CARD10: variants seen among roughly 807,000 people sequenced by gnomAD.
CARD10 encodes caspase recruitment domain-containing protein 10.
Under a neutral mutation model 114.6 loss-of-function variants are expected in CARD10, and 49 were observed. The ratio of observed to expected loss-of-function variants is 0.43; its 90% CI spans 0.34 to 0.54. The LOEUF is 0.54. Ranked by LOEUF, CARD10 falls within the 20% of genes least tolerant of loss-of-function variation. The pLI is 0.03. For synonymous variants in CARD10, 602 were observed against 593.2 expected (o/e 1.01, Z -0.21); for missense variants, 1,206 against 1,397.2 (o/e 0.86, Z 2.18).
At chr22:37,504,362 C>T (rs1161169359) in intron 8 of CARD10, 61 bp from the exon 9 acceptor site, 1 of 1,251,878 alleles carries the variant, frequency 8.0e-7, no homozygotes, top group Non-Finnish European at 1.1e-6. Context: ...CAGTCCTCAG[C>T]ACACCTGGTT....
At chr22:37,493,611 G>A (rs191255646) in intron 16 of CARD10, among the ~76,000 whole-genome samples, 235 of 152,084 alleles carry the variant, frequency 1.5e-3, no homozygotes, top group Non-Finnish European at 2.6e-3. Flanking sequence ...GAAGGCCCCC[G>A]CGGAAACTCC....
In CARD10 at chr22:37,494,148, G is replaced by T; in HGVS notation, c.2414C>A (p.Pro805His). 6.4e-7 allele frequency: 1 copy of T among 1,558,070 alleles called. No individual in the cohort carries two copies. The highest frequency in any genetic ancestry group is 1.2e-5 in the South Asian group (1 of 84,522). The change falls in exon 16 of 20, where the codon CCC becomes CAC. Residue 805 changes from proline (P) to histidine (H), a missense_variant. Pro to His is a moderately conservative substitution (Grantham distance 77). Transcript: ENST00000251973. ...CCCTGCAGGCGCCCCCACGGGCTTG[G>T]GCCTCACCAGCCGCAGCTGGTCCAG... ...RALDQLRLVRPKPVGAPAGDS... is the reference protein window; with the variant it reads ...RALDQLRLVRHKPVGAPAGDS...
At chr22:37,510,659 A>G in intron 3 of CARD10, 1 of 515,210 alleles carries the variant, frequency 1.9e-6, no homozygotes, top group Admixed American at 3.4e-5. Flanking sequence ...AGGGGAATCC[A>G]CTCTAAGAAC....
Position 37,490,910 on chromosome 22 carries a change from G to T in CARD10, c.*249C>A. On this transcript the variant is annotated 3_prime_UTR_variant, in exon 20 of 20. Transcript: ENST00000251973. ...CAGACACACATAAGACCCACTAGTG[G>T]GAATGTGGAGACCCCAGGAAAGGTG... The T allele has an allele frequency of 1.8e-6, 1 of 558,868 alleles. No individual in the cohort carries two copies. The highest frequency in any genetic ancestry group is 3.2e-6 in the Non-Finnish European group (1 of 312,946). The allele number at this position is 558,868 out of a possible 1,614,324, so 34.6% of individuals were successfully genotyped here. A position where few individuals can be genotyped will look rare whatever the true frequency, so the allele number is the denominator to read the frequency against.
At chr22:37,494,847 G>A (rs997785112) in intron 15 of CARD10, among the ~76,000 whole-genome samples, 2 of 152,200 alleles carry the variant, frequency 1.3e-5, no homozygotes, top group Admixed American at 6.5e-5. Context: ...TGGGGCCCTC[G>A]CTCTTCCTTT....
chr22:37,512,440 A>C, intron 3 of CARD10, among the ~76,000 whole-genome samples: 1 of 137,540 alleles, frequency 7.3e-6, no homozygotes, highest in Non-Finnish European at 1.5e-5. Flanking sequence ...CCCAGCCTTG[A>C]GAGGTTAGAA....
rs376717525 is a variant in CARD10, at chr22:37,494,171, C to T, written c.2391G>A (p.Leu797=). Residue 797 remains leucine, a synonymous_variant, in exon 16 of 20, where the codon CTG becomes CTA. Coordinates refer to ENST00000251973, the MANE Select transcript of CARD10 (RefSeq NM_014550.4). ...TGGGCCTCACCAGCCGCAGCTGGTC[C>T]AGGGCTCTCTTCTTCAGCTGGGAGG... ...GPRSNLKKRA[L]DQLRLVRPKP... 3.8e-5 allele frequency: 59 copies of T among 1,554,888 alleles called. No homozygotes were observed. Among genetic ancestry groups the T allele is most frequent in the African/African-American group, 1.6e-4 (12 of 73,326 alleles).
Position 37,495,654 on chromosome 22 carries a change from G to A in CARD10, c.2304-68C>T, listed in dbSNP as rs535906981. 222 of 1,609,102 alleles carry A rather than the reference G, an allele frequency of 1.4e-4. 1 individual carries two copies. Among genetic ancestry groups the A allele is most frequent in the East Asian group, 1.1e-3 (51 of 44,838 alleles). On this transcript the variant is annotated intron_variant, in intron 14 of 19. Transcript: ENST00000251973. ...CTCCTCATTTCTCCTCGAACCCCCCGCCCTGTCCCAGAGGATGGTGAGGGA... is the reference window on the plus strand; with the variant it reads ...CTCCTCATTTCTCCTCGAACCCCCCACCCTGTCCCAGAGGATGGTGAGGGA...
At chr22:37,513,565 C>T (rs139777692) in intron 3 of CARD10, among the ~76,000 whole-genome samples, 1 of 152,264 alleles carries the variant, frequency 6.6e-6, no homozygotes, top group Non-Finnish European at 1.5e-5. Context: ...GGACATCTCC[C>T]AATCGCATCA....
chr22:37,511,522 A>G (rs1923650593), intron 3 of CARD10, among the ~76,000 whole-genome samples: 1 of 145,534 alleles, frequency 6.9e-6, no homozygotes, highest in Admixed American at 6.8e-5. Flanking sequence ...GAAGGAAGAA[A>G]GAAGAAAGAA....
At position 37,504,787 on chromosome 22, in the gene CARD10, G is replaced by A. The variant is rs1369175690; in HGVS notation, c.1384-18C>T. ...GCACAGGCCTGGAAGAGGGAGAGGA[G>A]AGGAAGGAGGTGAGCAGTGCTAGGC... On this transcript the variant is annotated intron_variant, in intron 7 of 19. Transcript: ENST00000251973. 6.7e-7 allele frequency: 1 copy of A among 1,490,482 alleles called. No individual in the cohort carries two copies. Among genetic ancestry groups the A allele is most frequent in the Non-Finnish European group, 9.0e-7 (1 of 1,115,466 alleles). The allele number at this position is 1,490,482 out of a possible 1,614,324, so 92.3% of individuals were successfully genotyped here. A position where few individuals can be genotyped will look rare whatever the true frequency, so the allele number is the denominator to read the frequency against.
At position 37,518,085 on chromosome 22, in the gene CARD10, A is replaced by G; in HGVS notation, c.259T>C (p.Cys87Arg). The G allele has an allele frequency of 6.2e-7, 1 of 1,613,928 alleles. No individual in the cohort carries two copies. Among genetic ancestry groups the G allele is most frequent in the South Asian group, 1.1e-5 (1 of 91,074 alleles). ...RTGRLMDILR[C>R]RGKRGYEAFL... is the part of the protein sequence containing the mutation. ...GCCTCATAGCCCCTCTTGCCACGGC[A>G]GCGCAAGATGTCCATCAGGCGCCCT... Residue 87 changes from cysteine (C) to arginine (R), a missense_variant, in exon 2 of 20, where the codon TGC becomes CGC. Around this residue, in one of 2 missense-constraint regions of CARD10, gnomAD observed 138 missense variants for 218.0 expected, o/e 0.63. Coordinates refer to ENST00000251973, the MANE Select transcript of CARD10 (RefSeq NM_014550.4).
chr22:37,495,682 G>A, intron 14 of CARD10, 78 bp downstream of exon 14: 2 of 1,608,494 alleles, frequency 1.2e-6, no homozygotes, highest in Non-Finnish European at 1.7e-6. Context: ...GTGAGGGAAT[G>A]CAGGTGGAGG....
Position 37,495,810 on chromosome 22 carries a change from G to A in CARD10, c.2253C>T (p.Asp751=), listed in dbSNP as rs1054561933. 2.0e-5 allele frequency: 33 copies of A among 1,614,022 alleles called. No homozygotes were observed. The East Asian group carries it at 7.4e-4, about 36-fold the overall frequency. The change falls in exon 14 of 20, where the codon GAC becomes GAT. Residue 751 remains aspartate, a synonymous_variant. Coordinates refer to ENST00000251973, the MANE Select transcript of CARD10 (RefSeq NM_014550.4). ...RRQEWFCTRV[D]PLTLRDLDRG... is the part of the protein sequence containing the mutation. ...GGTCCAGGTCCCGCAGAGTGAGGGG[G>A]TCAACCCGGGTGCAGAACCATTCCT...
chr22:37,519,067 G>T lies in CARD10; in HGVS notation c.134C>A (p.Ala45Asp). ...CTGGCGCAGATACGGCGTGAGCTTG[G>T]CCGGGTTCAGGGCGCGAGCCAGCCG... ...RHRLARALNP[A>D]KLTPYLRQCR... The change falls in exon 1 of 20, where the codon GCC becomes GAC. Residue 45 changes from alanine to aspartate, a missense_variant. Ala to Asp is a moderately radical substitution (Grantham distance 126). Coordinates refer to ENST00000251973, the MANE Select transcript of CARD10 (RefSeq NM_014550.4). The surrounding 1 kb of genome is among the most constrained non-coding windows in gnomAD (Gnocchi z 4.1). The T allele has an allele frequency of 6.3e-7, 1 of 1,591,726 alleles. No homozygotes were observed.
intron 3 of CARD10, among the ~76,000 whole-genome samples, chr22:37,515,312 C>A (rs1353873894): frequency 6.6e-6 from 1 of 152,154 alleles, no homozygotes; most frequent in Non-Finnish European, 1.5e-5. Context: ...CCTGTAATCC[C>A]AGCACTTTGG....
intron 6 of CARD10, among the ~76,000 whole-genome samples, chr22:37,506,757 A>G (rs1923424986): frequency 6.6e-6 from 1 of 152,094 alleles, no homozygotes; most frequent in Admixed American, 6.6e-5. Context: ...GTCAGTGGAG[A>G]AGCCAGGAGT....
rs781115028 is a variant in CARD10 at position 37,503,200 on chromosome 22, T to C, written c.1648A>G (p.Met550Val). 1.2e-6 allele frequency: 2 copies of C among 1,611,402 alleles called. No individual in the cohort carries two copies. The highest frequency in any genetic ancestry group is 1.7e-6 in the Non-Finnish European group (2 of 1,178,958). The change falls in exon 10 of 20, where the codon ATG becomes GTG. Residue 550 changes from methionine (M) to valine (V), a missense_variant. This residue lies in a region of CARD10 where 1,068 missense variants were observed against 1,179.1 expected (regional missense o/e 0.91). Coordinates refer to ENST00000251973, the MANE Select transcript of CARD10 (RefSeq NM_014550.4). ...GGGCTGTTACCTGTGATGTCTGACA[T>C]GCTGCTGAAGGATCTGGGCAGAGAG... ...PAPPKRSFSS[M>V]SDITGSVTLK...
At position 37,501,415 on chromosome 22, in the gene CARD10, C is replaced by T. The variant is rs184939566; in HGVS notation, c.1787+1187G>A. Among the ~76,000 whole-genome samples the T allele has an allele frequency of 1.3e-5, 2 of 151,200 alleles. No individual in the cohort carries two copies. The highest frequency in any genetic ancestry group is 1.5e-5 in the Non-Finnish European group (1 of 67,844). ...AAGGGAGGCGCCTCCACCCCTTCCC[C>T]GAGAAGCACGTCCTGCACAGGCAAA... On this transcript the variant is annotated intron_variant, in intron 11 of 19. Transcript: ENST00000251973. The surrounding 1 kb of genome is among the most constrained non-coding windows in gnomAD (Gnocchi z 5.4).
Sources: gnomAD v4.1 joint callset for allele counts (sites outside exome capture counted in the v4.1 genomes callset) on GRCh38, gnomAD v4.1.1 for gene constraint, gnomAD v4.1.1 regional missense constraint, Gnocchi (gnomAD v3.1) non-coding constraint, MANE v1.5 for transcripts, NCBI Gene and HGNC (gene_info 2026-07-23, HGNC 2026-07-21) for gene names.